Variants in ARHGAP45 observed in about 807,000 individuals in gnomAD.
The protein encoded by ARHGAP45 is Rho GTPase activating protein 45.
A neutral mutation model predicts 116.1 loss-of-function variants in ARHGAP45; 56 were observed. The observed-to-expected ratio is 0.48, with a 90% CI of 0.39 to 0.60. The LOEUF is 0.60. Ranked by LOEUF, ARHGAP45 falls within the 20% of genes least tolerant of loss-of-function variation. The probability of loss-of-function intolerance (pLI) is 0.00; values close to 1 mark genes in which losing one functional copy is unlikely to be tolerated. For synonymous variants in ARHGAP45, 866 were observed against 701.7 expected (o/e 1.23, Z -3.70); for missense variants, 1,622 against 1,601.0 (o/e 1.01, Z -0.22).
At position 1,068,824 on chromosome 19, in the gene ARHGAP45, G is replaced by C; in HGVS notation, c.421+80G>C. ...GAGGATGGAGGGAGGGACTTGGGGA[G>C]GCTCAGAAGGGAGGGAGGCTCAGAT... On this transcript the variant is annotated intron_variant, in intron 2 of 22. Coordinates refer to ENST00000313093, the MANE Select transcript of ARHGAP45 (RefSeq NM_012292.5). This position sits in a 1 kb window ranked among gnomAD's most constrained non-coding sequence, Gnocchi z 7.5. 7.4e-7 allele frequency: 1 copy of C among 1,358,258 alleles called. No homozygotes were observed. The highest frequency in any genetic ancestry group is 2.3e-5 in the East Asian group (1 of 43,018). The allele number at this position is 1,358,258 out of a possible 1,614,324, so 84.1% of individuals were successfully genotyped here.
At chr19:1,076,926 A>G in intron 10 of ARHGAP45, 2 of 607,988 alleles carry the variant, frequency 3.3e-6, no homozygotes, top group Non-Finnish European at 4.1e-6. Context: ...ATGGGGTCTC[A>G]CTATGTTGAC....
intron 10 of ARHGAP45, chr19:1,077,392 TTTG>T: frequency 2.0e-6 from 2 of 985,146 alleles, no homozygotes; most frequent in South Asian, 4.7e-5. Context: ...TTTTTTTTTT[TTTG>T]AGCTGGAATC....
At position 1,074,084 on chromosome 19, in the gene ARHGAP45, C is replaced by T. The variant is rs1361276874; in HGVS notation, c.791-20C>T. ...ATTGCGCGGGTCGGGCCAGGCTGAG[C>T]AGGCCCCCGTTCCCTGCAGGCTGCC... On this transcript the variant is annotated intron_variant, in intron 6 of 22. Transcript: ENST00000313093. 1 of 1,608,838 alleles carries T rather than the reference C, an allele frequency of 6.2e-7. No homozygotes were observed. The highest frequency in any genetic ancestry group is 2.2e-5 in the East Asian group (1 of 44,794).
chr19:1,079,366 A>G (rs2043356017), intron 11 of ARHGAP45, among the ~76,000 whole-genome samples: 1 of 149,496 alleles, frequency 6.7e-6, no homozygotes, highest in African/African-American at 2.5e-5. Flanking sequence ...TTAACCGGGT[A>G]TGGTGGGTGG....
rs1035210788 is a variant in ARHGAP45, at chr19:1,069,679, G to A, written c.421+935G>A. Among the ~76,000 whole-genome samples, 1 of 152,192 alleles carries A rather than the reference G, an allele frequency of 6.6e-6. No homozygotes were observed. Among genetic ancestry groups the A allele is most frequent in the Non-Finnish European group, 1.5e-5 (1 of 68,024 alleles). On this transcript the variant is annotated intron_variant, in intron 2 of 22. Coordinates refer to ENST00000313093, the MANE Select transcript of ARHGAP45 (RefSeq NM_012292.5). The surrounding 1 kb of genome is among the most constrained non-coding windows in gnomAD (Gnocchi z 4.1). ...CGGGTTATCTGGTCCCAGGGGCGGG[G>A]GCTAGGCTGCTTTCCTGGGGAAACC... is the stretch of plus-strand genomic sequence containing the variant.
At chr19:1,080,630 G>A in intron 15 of ARHGAP45, 52 bp from the exon 16 acceptor site, 4 of 1,606,916 alleles carry the variant, frequency 2.5e-6, no homozygotes, top group Admixed American at 1.7e-5. Context: ...CCGGGGTGAT[G>A]GAGGGGGCCC....
intron 17 of ARHGAP45, 157 bp from the exon 18 acceptor site, chr19:1,081,393 C>T: frequency 1.2e-6 from 1 of 807,240 alleles, no homozygotes. Flanking sequence ...GGCGGGATCA[C>T]CCCTGGGGTG....
chr19:1,076,309 T>C (rs191788944), intron 10 of ARHGAP45, among the ~76,000 whole-genome samples: 1 of 152,252 alleles, frequency 6.6e-6, no homozygotes, highest in East Asian at 1.9e-4. Flanking sequence ...TACTTTGTAC[T>C]GGACAGTGGC....
chr19:1,070,670 C>G (rs1255886410), intron 2 of ARHGAP45, among the ~76,000 whole-genome samples: 4 of 151,820 alleles, frequency 2.6e-5, no homozygotes, highest in Admixed American at 2.6e-4. Context: ...TTTGTAGAGA[C>G]CGGGGTCTCC....
intron 10 of ARHGAP45, among the ~76,000 whole-genome samples, chr19:1,075,773 C>T (rs2043234432): frequency 6.6e-6 from 1 of 152,154 alleles, no homozygotes; most frequent in African/African-American, 2.4e-5. Flanking sequence ...GCCATCACAC[C>T]CAGTTCATTT....
Position 1,085,845 on chromosome 19 carries a change from G to A in ARHGAP45, c.3250G>A (p.Glu1084Lys), listed in dbSNP as rs1193816521. The A allele has an allele frequency of 1.2e-6, 2 of 1,612,628 alleles. No homozygotes were observed. Among genetic ancestry groups the A allele is most frequent in the East Asian group, 2.2e-5 (1 of 44,880 alleles). Residue 1084 changes from glutamate (E) to lysine (K), a missense_variant, in exon 23 of 23, where the codon GAG becomes AAG. Coordinates refer to ENST00000313093, the MANE Select transcript of ARHGAP45 (RefSeq NM_012292.5). The stretch of plus-strand genomic sequence containing the variant: ...GGAGCAGCTGGAGGCCACAGCCCGG[G>A]AGGACGGGGACGGGGACGAGGACGG... ...SEEQLEATAR[E>K]DGDGDEDGPA...
Position 1,081,195 on chromosome 19 carries a change from C to G in ARHGAP45, c.2190+131C>G, listed in dbSNP as rs2043423839. ...GCAGTCGGACGCCTTTGGAAGGAAG[C>G]GAACGGAGGGGGTGGGGTGGGCTCT... On this transcript the variant is annotated intron_variant, in intron 17 of 22. Coordinates refer to ENST00000313093, the MANE Select transcript of ARHGAP45 (RefSeq NM_012292.5). The G allele has an allele frequency of 3.7e-6, 4 of 1,067,832 alleles. No individual in the cohort carries two copies. In the East Asian group the frequency reaches 1.0e-4, roughly 28 times the overall value. 66.1% of individuals were successfully genotyped at this position (1,067,832 alleles called of 1,614,324 possible).
Position 1,071,100 on chromosome 19 carries a change from C to A in ARHGAP45, c.422-2049C>A. The A allele has an allele frequency of 9.6e-7, 1 of 1,044,282 alleles. No homozygotes were observed. Among genetic ancestry groups the A allele is most frequent in the Non-Finnish European group, 1.3e-6 (1 of 797,854 alleles). The allele number at this position is 1,044,282 out of a possible 1,614,324, so 64.7% of individuals were successfully genotyped here. On this transcript the variant is annotated intron_variant, in intron 2 of 22. Coordinates refer to ENST00000313093, the MANE Select transcript of ARHGAP45 (RefSeq NM_012292.5). The surrounding 1 kb of genome is among the most constrained non-coding windows in gnomAD (Gnocchi z 4.6). ...CCTCAGTTTCCCTGCCCGTCCTCGA[C>A]CCTCCCCACCTCGAAGCTCTGCGGT...
chr19:1,083,414 T>C, intron 21 of ARHGAP45, 61 bp downstream of exon 21: 2 of 1,416,346 alleles, frequency 1.4e-6, no homozygotes, highest in Non-Finnish European at 1.9e-6. Context: ...GGGGCGCTGC[T>C]GGGGACAGTC....
At chr19:1,073,077 G>A (rs1452652363) in intron 2 of ARHGAP45, 72 bp from the exon 3 acceptor site, 6 of 1,496,110 alleles carry the variant, frequency 4.0e-6, no homozygotes, top group East Asian at 2.3e-5. Context: ...GAGCTCTAAA[G>A]AGGGAGGAGG....
At position 1,077,920 on chromosome 19, in the gene ARHGAP45, G is replaced by C; in HGVS notation, c.1249G>C (p.Asp417His). Residue 417 changes from aspartate to histidine, a missense_variant, in exon 11 of 23, where the codon GAC becomes CAC. By Grantham distance (81) the Asp-to-His change is moderately conservative (BLOSUM62 -1). Coordinates refer to ENST00000313093, the MANE Select transcript of ARHGAP45 (RefSeq NM_012292.5). ...QGYVQRCEDH[D>H]KARFLVAKAE... ...TTACGTGCAGCGCTGCGAGGACCAC[G>C]ACAAGGCTCGCTTCCTCGTGGCCAA... 1 of 1,553,966 alleles carries C rather than the reference G, an allele frequency of 6.4e-7. No homozygotes were observed. The highest frequency in any genetic ancestry group is 8.7e-7 in the Non-Finnish European group (1 of 1,148,312).
intron 10 of ARHGAP45, among the ~76,000 whole-genome samples, chr19:1,076,127 C>A (rs1000212991): frequency 6.6e-6 from 1 of 152,140 alleles, no homozygotes; most frequent in Non-Finnish European, 1.5e-5. Flanking sequence ...AACACCATTG[C>A]TATGACAAGC....
chr19:1,077,743 GGCCATGGGGCC>G (rs1568466873), intron 10 of ARHGAP45, 103 bp from the exon 11 acceptor site: 1 of 1,532,622 alleles, frequency 6.5e-7, no homozygotes, highest in Non-Finnish European at 8.8e-7. Flanking sequence ...TGCCCAGCTG[GGCCATGGGGCC>G]TTGCTGAGAG....
chr19:1,068,493 A>T lies in ARHGAP45; in HGVS notation c.170A>T (p.Lys57Met), dbSNP rs777515527. The change falls in exon 2 of 23, where the codon AAG becomes ATG. Residue 57 changes from lysine (K) to methionine (M), a missense_variant. Around this residue, in one of 3 missense-constraint regions of ARHGAP45, gnomAD observed 279 missense variants for 311.9 expected, o/e 0.89. Transcript: ENST00000313093. The surrounding 1 kb of genome is among the most constrained non-coding windows in gnomAD (Gnocchi z 7.5). ...LEPPAGSSGV[K>M]ATGTLKRPTS... ...CCGCCCGCTGGGTCCTCCGGCGTCA[A>T]GGCCACAGGGACCCTCAAGCGGCCC... The T allele has an allele frequency of 1.9e-6, 3 of 1,594,198 alleles. No individual in the cohort carries two copies. The Admixed American group carries it at 5.2e-5, about 28-fold the overall frequency.
Sources: allele counts gnomAD v4.1 joint callset (sites outside exome capture counted in the v4.1 genomes callset), GRCh38; gene constraint gnomAD v4.1.1; regional missense constraint gnomAD v4.1.1; non-coding constraint Gnocchi (gnomAD v3.1); transcripts MANE v1.5; gene names NCBI Gene and HGNC (gene_info 2026-07-23, HGNC 2026-07-21).